Variants in TTLL10 observed in about 807,000 individuals in gnomAD.
The protein encoded by TTLL10 is tubulin tyrosine ligase like 10, also known as inactive polyglycylase TTLL10.
Under a neutral mutation model 69.0 loss-of-function variants are expected in TTLL10, and 61 were observed. The observed-to-expected ratio is 0.88, with a 90% confidence interval of 0.72 to 1.09. The LOEUF is 1.09. TTLL10 is among the 50% of genes least tolerant of loss of function. TTLL10 has a pLI of 0.00. For missense variants in TTLL10, 962 were observed against 945.9 expected (o/e 1.02, Z -0.22); for synonymous variants, 408 against 393.3 (o/e 1.04, Z -0.44).
intron 3 of TTLL10, chr1:1,176,096 G>A: frequency 2.2e-6 from 1 of 447,482 alleles, no homozygotes; most frequent in Admixed American, 2.4e-5. Context: ...CAGGTGGAGA[G>A]ACTGCTGCTC....
Position 1,181,016 on chromosome 1 carries a change from G to T in TTLL10, c.755+156G>T. The T allele has an allele frequency of 1.7e-6, 1 of 589,914 alleles. No homozygotes were observed. Among genetic ancestry groups the T allele is most frequent in the Non-Finnish European group, 2.6e-6 (1 of 380,876 alleles). 36.5% of individuals were successfully genotyped at this position (589,914 alleles called of 1,614,324 possible). On this transcript the variant is annotated intron_variant, in intron 8 of 15. Coordinates refer to ENST00000379289, the MANE Select transcript of TTLL10 (RefSeq NM_001130045.2). The surrounding 1 kb of genome is among the most constrained non-coding windows in gnomAD (Gnocchi z 4.6). ...GGCTCCCAGGCTGGCTCCAGCCCCT[G>T]CCCCTGCCCTTGCCCCTGCCCCTGG... is the stretch of plus-strand genomic sequence containing the variant.
intron 13 of TTLL10, among the ~76,000 whole-genome samples, chr1:1,193,712 G>A (rs370982607): frequency 6.6e-5 from 10 of 152,148 alleles, no homozygotes; most frequent in Non-Finnish European, 1.0e-4. Context: ...TGATCTACCC[G>A]CCTCAGCTTC....
rs1289121775 is a variant in TTLL10, at chr1:1,179,681, A to C, written c.143A>C (p.His48Pro). 2.3e-5 allele frequency: 35 copies of C among 1,550,792 alleles called. No individual in the cohort carries two copies. The highest frequency in any genetic ancestry group is 3.0e-5 in the Non-Finnish European group (34 of 1,146,832). Residue 48 changes from histidine (H) to proline (P), a missense_variant, in exon 5 of 16, where the codon CAC becomes CCC. Transcript: ENST00000379289. ...GGGACCATCCCTGCGTCACGTCTGC[A>C]CCCAGCACCGGCCTCACAGCCCGGC... ...VSGTIPASRLHPAPASQPGPC... is the reference protein window; with the variant it reads ...VSGTIPASRLPPAPASQPGPC...
intron 3 of TTLL10, among the ~76,000 whole-genome samples, chr1:1,178,580 C>A (rs913638247): frequency 2.6e-5 from 4 of 151,546 alleles, no homozygotes; most frequent in African/African-American, 9.7e-5. Context: ...AAAAAAAGTT[C>A]TCACCTCCCA....
intron 8 of TTLL10, 122 bp downstream of exon 8, chr1:1,180,982 G>A (rs1368189046): frequency 1.2e-6 from 1 of 862,964 alleles, no homozygotes; most frequent in Non-Finnish European, 1.6e-6. Context: ...CCCTGCCCCT[G>A]GCCACCCAGG....
At chr1:1,176,789 A>G (rs766954658) in intron 3 of TTLL10, among the ~76,000 whole-genome samples, 13 of 152,178 alleles carry the variant, frequency 8.5e-5, no homozygotes, top group Non-Finnish European at 1.3e-4. Context: ...CCACAGTCCC[A>G]TCCCCAGGGT....
intron 12 of TTLL10, 52 bp downstream of exon 12, chr1:1,184,143 A>G (rs775312145): frequency 6.2e-7 from 1 of 1,611,070 alleles, no homozygotes; most frequent in Non-Finnish European, 8.5e-7. Context: ...ATGAGATTAG[A>G]AGGAGGTTCT....
At chr1:1,190,640 G>A (rs924666509) in intron 13 of TTLL10, among the ~76,000 whole-genome samples, 1 of 151,738 alleles carries the variant, frequency 6.6e-6, no homozygotes, top group African/African-American at 2.4e-5. Flanking sequence ...ATGCTGGCAA[G>A]GCTGGTCTCA....
At position 1,186,462 on chromosome 1, in the gene TTLL10, A is replaced by G. The variant is rs544949294; in HGVS notation, c.1401+1353A>G. ...GCCATCAGCTGGTGGACACAGTTTTATTATTGAGCTGTTATGAATAATGTT... is the reference window on the plus strand; with the variant it reads ...GCCATCAGCTGGTGGACACAGTTTTGTTATTGAGCTGTTATGAATAATGTT... On this transcript the variant is annotated intron_variant, in intron 13 of 15. Coordinates refer to ENST00000379289, the MANE Select transcript of TTLL10 (RefSeq NM_001130045.2). Among the ~76,000 whole-genome samples the G allele has an allele frequency of 5.3e-5, 8 of 152,234 alleles. No individual in the cohort carries two copies. The South Asian group carries it at 1.7e-3, about 32-fold the overall frequency.
chr1:1,179,404 A>G (rs1273235481), intron 4 of TTLL10, 71 bp downstream of exon 4: 1 of 1,430,524 alleles, frequency 7.0e-7, no homozygotes, highest in South Asian at 1.2e-5. Context: ...GGTGCCCCAT[A>G]CCCAAGGAAG....
Position 1,185,884 on chromosome 1 carries a change from T to C in TTLL10, c.1401+775T>C. ...CTTAAAGTGTGCAGTTCAGTGGCTT[T>C]TAGTATTTCAAAAGTTGTGCAATTA... On this transcript the variant is annotated intron_variant, in intron 13 of 15. Coordinates refer to ENST00000379289, the MANE Select transcript of TTLL10 (RefSeq NM_001130045.2). The surrounding 1 kb of genome is among the most constrained non-coding windows in gnomAD (Gnocchi z 6.1). 1.0e-6 allele frequency: 1 copy of C among 965,646 alleles called. No individual in the cohort carries two copies. The allele number at this position is 965,646 out of a possible 1,614,324, so 59.8% of individuals were successfully genotyped here.
In TTLL10 at chr1:1,185,997, C is replaced by A; in HGVS notation, c.1401+888C>A. 1 of 237,240 alleles carries A rather than the reference C, an allele frequency of 4.2e-6. No individual in the cohort carries two copies. The highest frequency in any genetic ancestry group is 6.9e-6 in the Non-Finnish European group (1 of 145,952). The allele number at this position is 237,240 out of a possible 1,614,324, so 14.7% of individuals were successfully genotyped here. On this transcript the variant is annotated intron_variant, in intron 13 of 15. Coordinates refer to ENST00000379289, the MANE Select transcript of TTLL10 (RefSeq NM_001130045.2). This position sits in a 1 kb window ranked among gnomAD's most constrained non-coding sequence, Gnocchi z 6.1. Reference sequence around the variant, plus strand: ...AGCTACATTGCCGGCCATTCCTGGTCACCGCTGATGGACCTTCTCTCTCTC... The same window carrying A: ...AGCTACATTGCCGGCCATTCCTGGTAACCGCTGATGGACCTTCTCTCTCTC...
rs776797387 is a variant in TTLL10, at chr1:1,197,133, C to T, written c.1559C>T (p.Thr520Ile). ...ATGAATTCTAACCCAGCCCTGCACA[C>T]CAACTGCGAGGTCCTGAAGGAGGTC... ...LEMNSNPALH[T>I]NCEVLKEVIP... Residue 520 changes from threonine to isoleucine, a missense_variant, in exon 15 of 16, where the codon ACC becomes ATC. By Grantham distance (89) the Thr-to-Ile change is moderately conservative (BLOSUM62 -1). Transcript: ENST00000379289. The T allele has an allele frequency of 8.3e-5, 129 of 1,550,990 alleles. No homozygotes were observed. Among genetic ancestry groups the T allele is most frequent in the Non-Finnish European group, 1.1e-4 (129 of 1,146,828 alleles).
intron 9 of TTLL10, 120 bp from the exon 10 acceptor site, chr1:1,182,241 C>T (rs1039521671): frequency 4.0e-5 from 34 of 845,602 alleles, no homozygotes; most frequent in Middle Eastern, 2.3e-4. Flanking sequence ...AGAACGGCCG[C>T]GGGCGCCAGG....
At chr1:1,193,745 G>A (rs1042676004) in intron 13 of TTLL10, among the ~76,000 whole-genome samples, 8 of 152,178 alleles carry the variant, frequency 5.3e-5, no homozygotes, top group East Asian at 1.9e-4. Flanking sequence ...GATTACAGGC[G>A]TGAGCCACCA....
chr1:1,184,895 C>A lies in TTLL10; in HGVS notation c.1261-74C>A, dbSNP rs527398807. On this transcript the variant is annotated intron_variant, in intron 12 of 15. Coordinates refer to ENST00000379289, the MANE Select transcript of TTLL10 (RefSeq NM_001130045.2). The stretch of plus-strand genomic sequence containing the variant: ...AAGCCTTCTAGGTTAGGGGGATGTT[C>A]TCTTGGGGACCCCCGTGAGGACAGG... 29 of 538,938 alleles carry A rather than the reference C, an allele frequency of 5.4e-5. No homozygotes were observed. In the African/African-American group the frequency reaches 6.0e-4, roughly 11 times the overall value. The allele number at this position is 538,938 out of a possible 1,614,324, so 33.4% of individuals were successfully genotyped here.
At chr1:1,177,336 G>A (rs1370195810) in intron 3 of TTLL10, among the ~76,000 whole-genome samples, 1 of 151,834 alleles carries the variant, frequency 6.6e-6, no homozygotes, top group African/African-American at 2.4e-5. Flanking sequence ...TTTTGAGACG[G>A]AGTCTCGCTC....
At position 1,180,347 on chromosome 1, in the gene TTLL10, A is replaced by G. The variant is rs554221026; in HGVS notation, c.506+7A>G. ...GCAGCAACGGGGCCACAATGTGAGT[A>G]GCGGCCCTGGGCGCCCGTGGTCCCA... On this transcript the variant is annotated splice_region_variant and intron_variant, in intron 6 of 15. Transcript: ENST00000379289. The G allele has an allele frequency of 3.2e-6, 5 of 1,558,954 alleles. No homozygotes were observed. In the African/African-American group the frequency reaches 6.8e-5, roughly 21 times the overall value.
chr1:1,197,415 C>A, intron 15 of TTLL10, 23 bp from the exon 16 acceptor site: 1 of 1,494,886 alleles, frequency 6.7e-7, no homozygotes, highest in South Asian at 1.3e-5. Context: ...CCCCACTCAC[C>A]CTCTCTCCCC....
Sources: gnomAD v4.1 joint callset for allele counts (sites outside exome capture counted in the v4.1 genomes callset) on GRCh38, gnomAD v4.1.1 for gene constraint, Gnocchi (gnomAD v3.1) non-coding constraint, MANE v1.5 for transcripts, NCBI Gene and HGNC (gene_info 2026-07-23, HGNC 2026-07-21) for gene names.